Variants in VAV3 observed in about 807,000 individuals in gnomAD.
The protein encoded by VAV3 is vav guanine nucleotide exchange factor 3, also known as guanine nucleotide exchange factor VAV3.
A neutral mutation model predicts 131.2 loss-of-function variants in VAV3; 94 were observed. The observed-to-expected ratio is 0.72, with a 90% CI of 0.61 to 0.85. The LOEUF (loss-of-function observed/expected upper bound fraction) is 0.85. VAV3 is among the 40% of genes least tolerant of loss of function. VAV3 has a pLI of 0.00. For synonymous variants in VAV3, 349 were observed against 342.0 expected (o/e 1.02, Z -0.22); for missense variants, 939 against 1,002.7 (o/e 0.94, Z 0.86).
intron 1 of VAV3, among the ~76,000 whole-genome samples, chr1:107,950,169 C>T (rs183430180): frequency 6.6e-6 from 1 of 152,258 alleles, no homozygotes; most frequent in Admixed American, 6.5e-5. Context: ...TCCAACTTCT[C>T]AGAATCAAAG....
chr1:107,669,949 G>A (rs766394870), intron 19 of VAV3, among the ~76,000 whole-genome samples: 1 of 152,106 alleles, frequency 6.6e-6, no homozygotes, highest in Admixed American at 6.5e-5. Context: ...AAATAAAGAT[G>A]ATTTCACAAC....
chr1:107,785,439 CG>C, intron 2 of VAV3: 1 of 1,330,970 alleles, frequency 7.5e-7, no homozygotes, highest in South Asian at 1.2e-5. Flanking sequence ...AAAGGAATTC[CG>C]AGGGAAAGGG....
chr1:107,617,879 T>C (rs1362682565), intron 20 of VAV3, among the ~76,000 whole-genome samples: 1 of 152,228 alleles, frequency 6.6e-6, no homozygotes, highest in East Asian at 1.9e-4. Flanking sequence ...TTTTTCAATC[T>C]ACCCTTCAAT....
intron 4 of VAV3, 83 bp downstream of exon 4, chr1:107,777,148 C>T: frequency 8.0e-7 from 1 of 1,245,408 alleles, no homozygotes; most frequent in Non-Finnish European, 1.2e-6. Context: ...CTTCAGATAG[C>T]TTACTTTAAC....
At chr1:107,578,912 G>A (rs1330305342) in intron 25 of VAV3, 1 of 984,762 alleles carries the variant, frequency 1.0e-6, no homozygotes, top group Admixed American at 6.1e-5. Flanking sequence ...TGATAAGCCA[G>A]TGAAAACACA....
intron 20 of VAV3, among the ~76,000 whole-genome samples, chr1:107,625,282 G>A (rs998552996): frequency 6.0e-5 from 9 of 149,796 alleles, no homozygotes; most frequent in Non-Finnish European, 7.4e-5. Context: ...TTTTTGGGAC[G>A]GCATCTCACT....
chr1:107,645,866 C>T (rs1410447266), intron 19 of VAV3, among the ~76,000 whole-genome samples: 1 of 151,890 alleles, frequency 6.6e-6, no homozygotes, highest in East Asian at 1.9e-4. Context: ...GGTTTTTAAC[C>T]TCTGTTTAAA....
chr1:107,668,051 T>C (rs1389933062), intron 19 of VAV3, among the ~76,000 whole-genome samples: 2 of 152,190 alleles, frequency 1.3e-5, no homozygotes, highest in African/African-American at 2.4e-5. Context: ...CAACCCTGCC[T>C]TAAGCCTTCA....
chr1:107,802,299 A>C (rs1248555460), intron 2 of VAV3, among the ~76,000 whole-genome samples: 1 of 152,054 alleles, frequency 6.6e-6, no homozygotes, highest in Non-Finnish European at 1.5e-5. Flanking sequence ...TCATCTGCAT[A>C]TAACGATAAT....
intron 1 of VAV3, among the ~76,000 whole-genome samples, chr1:107,929,605 A>C (rs1673324496): frequency 6.6e-6 from 1 of 152,222 alleles, no homozygotes; most frequent in Non-Finnish European, 1.5e-5. Context: ...ACTAATCAGA[A>C]ATAATAACTA....
chr1:107,701,687 A>G (rs1422642391), intron 17 of VAV3, among the ~76,000 whole-genome samples: 1 of 152,126 alleles, frequency 6.6e-6, no homozygotes, highest in African/African-American at 2.4e-5. Flanking sequence ...TCTTTTAAAC[A>G]TAAGTTCCAA....
intron 1 of VAV3, among the ~76,000 whole-genome samples, chr1:107,876,758 A>C (rs1670519969): frequency 6.6e-6 from 1 of 152,146 alleles, no homozygotes; most frequent in African/African-American, 2.4e-5. Flanking sequence ...TTTTTTTAAA[A>C]ATATACATGT....
chr1:107,735,944 T>C (rs1404251305), intron 15 of VAV3, among the ~76,000 whole-genome samples: 2 of 151,900 alleles, frequency 1.3e-5, no homozygotes, highest in African/African-American at 2.4e-5. Flanking sequence ...TGAACATCAA[T>C]ACAAAAATCC....
intron 8 of VAV3, among the ~76,000 whole-genome samples, chr1:107,766,083 A>G (rs1438897570): frequency 6.6e-6 from 1 of 152,176 alleles, no homozygotes; most frequent in Non-Finnish European, 1.5e-5. Context: ...GTACCAGCTA[A>G]TCTACCTCCG....
chr1:107,835,015 C>T (rs765405210), intron 2 of VAV3, among the ~76,000 whole-genome samples: 6 of 152,146 alleles, frequency 3.9e-5, no homozygotes, highest in Admixed American at 1.3e-4. Context: ...CATAGGGCAG[C>T]TACAGCAAAA....
chr1:107,886,104 G>A (rs1671023918), intron 1 of VAV3, among the ~76,000 whole-genome samples: 1 of 152,168 alleles, frequency 6.6e-6, no homozygotes, highest in South Asian at 2.1e-4. Context: ...AGGAAATGCA[G>A]GAATTCAACT....
At chr1:107,610,219 A>G (rs1011911441) in intron 21 of VAV3, among the ~76,000 whole-genome samples, 6 of 152,208 alleles carry the variant, frequency 3.9e-5, no homozygotes, top group African/African-American at 1.4e-4. Context: ...TAGCAGGCGA[A>G]TATGAACTGG....
chr1:107,573,399 C>T (rs2100973287), intron 26 of VAV3, 27 bp from the exon 27 acceptor site: 1 of 1,613,544 alleles, frequency 6.2e-7, no homozygotes, highest in East Asian at 2.2e-5. Flanking sequence ...ACCAACACAG[C>T]AACATGACTT....
At chr1:107,960,292 AC>A (rs1028661646) in intron 1 of VAV3, among the ~76,000 whole-genome samples, 1 of 151,656 alleles carries the variant, frequency 6.6e-6, no homozygotes, top group Non-Finnish European at 1.5e-5. Context: ...ACATGGTGAA[AC>A]CCCCTCTACT....
Sources: allele counts gnomAD v4.1 joint callset (sites outside exome capture counted in the v4.1 genomes callset), GRCh38; gene constraint gnomAD v4.1.1; transcripts MANE v1.5; gene names NCBI Gene and HGNC (gene_info 2026-07-23, HGNC 2026-07-21).